ZNF107: variants seen among roughly 807,000 people sequenced by gnomAD.
ZNF107 encodes zinc finger protein 107, also known as C2H2 type zinc-finger protein.
ZNF107 carries 19 observed loss-of-function variants against 12.3 expected under a neutral mutation model. The ratio of observed to expected loss-of-function variants is 1.55; its 90% CI spans 1.08 to 2.27. ZNF107 has a LOEUF of 2.27. Ranked by LOEUF, ZNF107 falls within the 30% of genes most tolerant of loss-of-function variation. The probability of loss-of-function intolerance (pLI) is 0.00; values close to 1 mark genes in which losing one functional copy is unlikely to be tolerated. For synonymous variants in ZNF107, 317 were observed against 330.5 expected (o/e 0.96, Z 0.44); for missense variants, 958 against 979.9 (o/e 0.98, Z 0.30).
rs749094948 is a variant in ZNF107, at chr7:64,707,331, C to T, written c.1234C>T (p.Leu412Phe). The change falls in exon 4 of 4, where the codon CTT (leucine) becomes TTT (phenylalanine). Residue 412 changes from leucine to phenylalanine, a missense_variant. Coordinates refer to ENST00000620827, the MANE Select transcript of ZNF107 (RefSeq NM_001282359.2). ...CAAAGTCTTTAACCAGTTCTCAACT[C>T]TTACTAGACATAAGATAATTCATAC... is the stretch of plus-strand genomic sequence containing the variant. ...CGKVFNQFST[L>F]TRHKIIHTGE... 1.2e-6 allele frequency: 2 copies of T among 1,613,218 alleles called. No homozygotes were observed. The highest frequency in any genetic ancestry group is 1.7e-6 in the Non-Finnish European group (2 of 1,179,714).
chr7:64,681,754 C>T (rs1300988972), intron 1 of ZNF107, among the ~76,000 whole-genome samples: 1 of 152,176 alleles, frequency 6.6e-6, no homozygotes, highest in African/African-American at 2.4e-5. Flanking sequence ...CCCATCCTTC[C>T]CTTTCAAAAA....
In ZNF107 at chr7:64,707,431, A is replaced by C. The variant is rs534245932; in HGVS notation, c.1334A>C (p.Lys445Thr). The change falls in exon 4 of 4, where the codon AAA (lysine) becomes ACA (threonine). Residue 445 changes from lysine (K) to threonine (T), a missense_variant. Coordinates refer to ENST00000620827, the MANE Select transcript of ZNF107 (RefSeq NM_001282359.2). ...TCTTCAAACCTTACTGAACATAAGA[A>C]AATTCATACTGCAGAGAAATCCTAT... ...NQSSNLTEHK[K>T]IHTAEKSYKC... 1 of 1,613,018 alleles carries C rather than the reference A, an allele frequency of 6.2e-7. No individual in the cohort carries two copies. The highest frequency in any genetic ancestry group is 8.5e-7 in the Non-Finnish European group (1 of 1,179,554).
intron 1 of ZNF107, chr7:64,669,276 A>G (rs1199027592): frequency 6.6e-6 from 1 of 151,960 alleles, no homozygotes; most frequent in African/African-American, 2.4e-5. Context: ...TTGGTCTCCC[A>G]AGGGATTACA....
chr7:64,701,186 G>A (rs925338502), intron 3 of ZNF107, among the ~76,000 whole-genome samples: 1 of 152,124 alleles, frequency 6.6e-6, no homozygotes, highest in Middle Eastern at 3.4e-3. Context: ...ATATAATTAT[G>A]ACTACCTCAC....
Position 64,707,404 on chromosome 7 carries a change from A to C in ZNF107, c.1307A>C (p.Gln436Pro), listed in dbSNP as rs777761466. The C allele has an allele frequency of 3.7e-6, 6 of 1,613,162 alleles. No individual in the cohort carries two copies. Among genetic ancestry groups the C allele is most frequent in the Non-Finnish European group, 5.1e-6 (6 of 1,179,598 alleles). The change falls in exon 4 of 4, where the codon CAA becomes CCA. Residue 436 changes from glutamine (Q) to proline (P), a missense_variant. Physicochemically the swap from Gln to Pro is moderately conservative, Grantham distance 76. Transcript: ENST00000620827. The part of the protein sequence containing the change: ...KCKECGKAFN[Q>P]SSNLTEHKKI... ...AAAGAATGTGGCAAAGCTTTTAACC[A>C]ATCTTCAAACCTTACTGAACATAAG...
intron 1 of ZNF107, among the ~76,000 whole-genome samples, chr7:64,673,842 C>T (rs1789322286): frequency 6.6e-6 from 1 of 152,194 alleles, no homozygotes. Context: ...TTCCCGCATT[C>T]CTCATGTCAG....
chr7:64,708,190 T>C lies in ZNF107; in HGVS notation c.2093T>C (p.Ile698Thr). Reference protein sequence around the residue: ...RFSNLTIHKRIHTGEKPYQCA... With the variant: ...RFSNLTIHKRTHTGEKPYQCA... ...TCAAACCTAACTATACATAAGAGAA[T>C]TCATACGGGAGAGAAACCTTACCAA... Residue 698 changes from isoleucine (I) to threonine (T), a missense_variant, in exon 4 of 4, where the codon ATT becomes ACT. Transcript: ENST00000620827. 1 of 1,612,486 alleles carries C rather than the reference T, an allele frequency of 6.2e-7. No individual in the cohort carries two copies. Among genetic ancestry groups the C allele is most frequent in the South Asian group, 1.1e-5 (1 of 90,844 alleles).
At chr7:64,692,042 G>T in intron 3 of ZNF107, 82 bp downstream of exon 3, 1 of 969,316 alleles carries the variant, frequency 1.0e-6, no homozygotes. Context: ...CTTAAAATAT[G>T]ATTTGGGAAG....
At chr7:64,667,903 C>T (rs1455943003) in intron 1 of ZNF107, among the ~76,000 whole-genome samples, 1 of 151,576 alleles carries the variant, frequency 6.6e-6, no homozygotes, top group East Asian at 1.9e-4. Context: ...AATTTCTGCC[C>T]CCTGGATTCT....
At chr7:64,667,605 T>C (rs1431489849) in intron 1 of ZNF107, among the ~76,000 whole-genome samples, 2 of 152,164 alleles carry the variant, frequency 1.3e-5, no homozygotes, top group Non-Finnish European at 2.9e-5. Flanking sequence ...AGATATCAAC[T>C]GTGGCTGTGT....
chr7:64,707,757 A>T lies in ZNF107; in HGVS notation c.1660A>T (p.Lys554Ter). ...TTTTAACCGATTCTCAACCCTTACT[A>T]AACATAAGAGAATTCATACTGGAGA... ...KAFNRFSTLT[K>*]HKRIHTGEKP... Residue 554 changes from lysine (K) to a stop codon, truncating the protein, a stop_gained, in exon 4 of 4, where the codon AAA becomes TAA. Coordinates refer to ENST00000620827, the MANE Select transcript of ZNF107 (RefSeq NM_001282359.2). LOFTEE classifies it low-confidence loss of function (END_TRUNC). 1 of 1,612,350 alleles carries T rather than the reference A, an allele frequency of 6.2e-7. No individual in the cohort carries two copies. Among genetic ancestry groups the T allele is most frequent in the Non-Finnish European group, 8.5e-7 (1 of 1,179,434 alleles).
chr7:64,667,331 CAA>C (rs1191705022), intron 1 of ZNF107, among the ~76,000 whole-genome samples: 2 of 152,122 alleles, frequency 1.3e-5, no homozygotes, highest in Non-Finnish European at 2.9e-5. Flanking sequence ...TCATTGTTGA[CAA>C]ATTATTGGGT....
chr7:64,685,372 G>A (rs1789864972), intron 1 of ZNF107, among the ~76,000 whole-genome samples: 1 of 152,088 alleles, frequency 6.6e-6, no homozygotes, highest in African/African-American at 2.4e-5. Flanking sequence ...CAAACAGCCT[G>A]TCCGCTTCTC....
chr7:64,691,532 C>T (rs1296277467), intron 2 of ZNF107, among the ~76,000 whole-genome samples, 158 bp downstream of exon 2: 1 of 152,076 alleles, frequency 6.6e-6, no homozygotes, highest in African/African-American at 2.4e-5. Context: ...GAAAATAATT[C>T]CTTCAAGATA....
At chr7:64,684,152 TCTC>T (rs1194438513) in intron 1 of ZNF107, among the ~76,000 whole-genome samples, 1 of 152,092 alleles carries the variant, frequency 6.6e-6, no homozygotes, top group African/African-American at 2.4e-5. Context: ...ACTGGACTGT[TCTC>T]CTACCACTTG....
At position 64,666,206 on chromosome 7, in the gene ZNF107, C is replaced by T; in HGVS notation, c.-77C>T. 1.3e-6 allele frequency: 2 copies of T among 1,574,776 alleles called. No individual in the cohort carries two copies. Among genetic ancestry groups the T allele is most frequent in the South Asian group, 1.1e-5 (1 of 90,482 alleles). On this transcript the variant is annotated 5_prime_UTR_variant, in exon 1 of 4. Transcript: ENST00000620827. ...TCAGTGTCCTCTGCTCCTAGAGGCCCAGCCTCTGTGTCCCTGTGACCTGCA... is the reference window on the plus strand; with the variant it reads ...TCAGTGTCCTCTGCTCCTAGAGGCCTAGCCTCTGTGTCCCTGTGACCTGCA...
Position 64,709,894 on chromosome 7 carries a change from G to A in ZNF107, c.*1238G>A, listed in dbSNP as rs74709909. On this transcript the variant is annotated 3_prime_UTR_variant, in exon 4 of 4. Transcript: ENST00000620827. Reference sequence around the variant, plus strand: ...AATGCCAGCACTTTGGGAGGCCAAGGTGGGTGGATCACCTGAGGGCAGGAG... The same window carrying A: ...AATGCCAGCACTTTGGGAGGCCAAGATGGGTGGATCACCTGAGGGCAGGAG... 5 of 353,922 alleles carry A rather than the reference G, an allele frequency of 1.4e-5. No homozygotes were observed. Among genetic ancestry groups the A allele is most frequent in the African/African-American group, 1.1e-4 (5 of 44,734 alleles). 21.9% of individuals were successfully genotyped at this position (353,922 alleles called of 1,614,324 possible). A position where few individuals can be genotyped will look rare whatever the true frequency, so the allele number is the denominator to read the frequency against.
intron 3 of ZNF107, among the ~76,000 whole-genome samples, chr7:64,705,278 T>A (rs1790601334): frequency 6.6e-6 from 1 of 152,002 alleles, no homozygotes; most frequent in African/African-American, 2.4e-5. Context: ...TTACATTAAT[T>A]TTTCTTTTAT....
intron 1 of ZNF107, among the ~76,000 whole-genome samples, chr7:64,684,149 T>G (rs1277651293): frequency 1.3e-5 from 2 of 152,158 alleles, no homozygotes. Context: ...AGGACTGGAC[T>G]GTTCTCCTAC....
Sources: allele counts gnomAD v4.1 joint callset (sites outside exome capture counted in the v4.1 genomes callset), GRCh38; gene constraint gnomAD v4.1.1; transcripts MANE v1.5; gene names NCBI Gene and HGNC (gene_info 2026-07-23, HGNC 2026-07-21).